TENM3: variants seen among roughly 807,000 people sequenced by gnomAD.
The protein encoded by TENM3 is teneurin transmembrane protein 3.
Under a neutral mutation model 255.1 loss-of-function variants are expected in TENM3, and 63 were observed. The observed-to-expected ratio is 0.25, with a 90% CI of 0.20 to 0.30. The LOEUF (loss-of-function observed/expected upper bound fraction) is 0.30. TENM3 is among the 10% of genes least tolerant of loss of function. The pLI is 1.00. For synonymous variants in TENM3, 1,306 were observed against 1,322.3 expected (o/e 0.99, Z 0.27); for missense variants, 2,929 against 3,461.1 (o/e 0.85, Z 3.86).
chr4:182,107,146 G>T, the TENM3 span, among the ~76,000 whole-genome samples: 1 of 111,026 alleles, frequency 9.0e-6, no homozygotes, highest in Non-Finnish European at 1.9e-5. Flanking sequence ...TGGTGAAACA[G>T]AACATACACA....
At chr4:182,203,172 G>A (rs1185256293) in intron 1 of TENM3, among the ~76,000 whole-genome samples, 2 of 151,760 alleles carry the variant, frequency 1.3e-5, no homozygotes, top group East Asian at 2.0e-4. Context: ...AGCCGAGATC[G>A]TGCCATTGCA....
At chr4:181,943,795 C>G in the TENM3 span, among the ~76,000 whole-genome samples, 96 of 152,276 alleles carry the variant, frequency 6.3e-4, no homozygotes, top group East Asian at 3.7e-3. Context: ...TCAGCTGACA[C>G]AGCAATCACC....
intron 3 of TENM3, among the ~76,000 whole-genome samples, chr4:182,527,879 T>C (rs1362505609): frequency 6.6e-6 from 1 of 151,820 alleles, no homozygotes; most frequent in Non-Finnish European, 1.5e-5. Context: ...AGGCACATGC[T>C]GCCACGCCCG....
chr4:182,718,775 A>G (rs1419560563), intron 13 of TENM3, among the ~76,000 whole-genome samples: 4 of 152,126 alleles, frequency 2.6e-5, no homozygotes, highest in Admixed American at 6.6e-5. Context: ...TTCTCCCCAT[A>G]TACTTTTAAA....
chr4:182,462,757 G>T (rs894680005), intron 3 of TENM3, among the ~76,000 whole-genome samples: 3 of 151,690 alleles, frequency 2.0e-5, no homozygotes, highest in African/African-American at 7.3e-5. Flanking sequence ...TGTGGTGGTG[G>T]GCGCCTGTGA....
chr4:181,897,836 T>C, the TENM3 span, among the ~76,000 whole-genome samples: 19 of 152,218 alleles, frequency 1.2e-4, no homozygotes, highest in Non-Finnish European at 2.6e-4. Flanking sequence ...ATAAATTTAT[T>C]CATTCTTTCT....
At chr4:182,131,469 A>G in the TENM3 span, among the ~76,000 whole-genome samples, 1 of 152,268 alleles carries the variant, frequency 6.6e-6, no homozygotes, top group African/African-American at 2.4e-5. Flanking sequence ...GATTTATTTT[A>G]TGTTCATTTT....
the TENM3 span, among the ~76,000 whole-genome samples, chr4:181,780,035 A>G: frequency 2.4e-4 from 36 of 152,288 alleles, 1 homozygote; most frequent in African/African-American, 7.5e-4. Context: ...CCAGTCTATC[A>G]TTGATGGACA....
chr4:182,669,069 GATGA>G (rs1178933809), intron 6 of TENM3, among the ~76,000 whole-genome samples: 1 of 152,068 alleles, frequency 6.6e-6, no homozygotes. Context: ...GTATGAACTT[GATGA>G]ATGAGTCTAC....
intron 3 of TENM3, among the ~76,000 whole-genome samples, chr4:182,355,964 G>C (rs891706806): frequency 2.0e-5 from 3 of 150,848 alleles, no homozygotes; most frequent in Admixed American, 1.3e-4. Context: ...TATTTACTCT[G>C]TGATCTATAT....
At chr4:182,336,697 A>G (rs1259271986) in intron 2 of TENM3, among the ~76,000 whole-genome samples, 1 of 152,226 alleles carries the variant, frequency 6.6e-6, no homozygotes, top group Non-Finnish European at 1.5e-5. Flanking sequence ...TATGGTGTTT[A>G]AGGGAGGAGC....
chr4:182,272,950 G>A (rs1759744777), intron 1 of TENM3, among the ~76,000 whole-genome samples: 1 of 152,130 alleles, frequency 6.6e-6, no homozygotes. Context: ...ATCTGGAAGG[G>A]TTTTAAACTG....
At chr4:181,529,993 A>G in the TENM3 span, among the ~76,000 whole-genome samples, 1 of 152,206 alleles carries the variant, frequency 6.6e-6, no homozygotes. Context: ...CACATACAGG[A>G]GCGTTTGGAA....
At chr4:181,450,921 G>A in the TENM3 span, among the ~76,000 whole-genome samples, 1 of 152,190 alleles carries the variant, frequency 6.6e-6, no homozygotes, top group Non-Finnish European at 1.5e-5. Flanking sequence ...AGTTAATGAA[G>A]TTTAATGTAA....
At chr4:182,693,639 C>T (rs759068732) in intron 12 of TENM3, among the ~76,000 whole-genome samples, 13 of 152,030 alleles carry the variant, frequency 8.6e-5, no homozygotes, top group Non-Finnish European at 1.3e-4. Context: ...TGGGTTTTTT[C>T]GCAATGTAAA....
At chr4:181,456,149 G>GTGTGTGTGTACACA in the TENM3 span, among the ~76,000 whole-genome samples, 1 of 68,376 alleles carries the variant, frequency 1.5e-5, no homozygotes, top group Non-Finnish European at 3.1e-5. Context: ...GTGTGTGTAG[G>GTGTGTGTGTACACA]TGTGTGTGTA....
chr4:182,650,347 G>T (rs1053138810), intron 5 of TENM3, among the ~76,000 whole-genome samples: 1 of 150,298 alleles, frequency 6.7e-6, no homozygotes, highest in East Asian at 2.0e-4. Flanking sequence ...ACTGGGACAT[G>T]CCTAAACCAA....
At chr4:182,379,053 C>T (rs192190182) in intron 3 of TENM3, among the ~76,000 whole-genome samples, 38 of 152,232 alleles carry the variant, frequency 2.5e-4, no homozygotes, top group Non-Finnish European at 3.1e-4. Flanking sequence ...CATAAAAACT[C>T]GAGGAGATGG....
intron 5 of TENM3, among the ~76,000 whole-genome samples, chr4:182,634,865 G>A (rs1284216088): frequency 3.3e-5 from 5 of 152,058 alleles, no homozygotes; most frequent in Non-Finnish European, 5.9e-5. Flanking sequence ...CTTTTTTCTG[G>A]GTAGAAGATA....
Sources: gnomAD v4.1 joint callset for allele counts (sites outside exome capture counted in the v4.1 genomes callset) on GRCh38, gnomAD v4.1.1 for gene constraint, MANE v1.5 for transcripts, NCBI Gene and HGNC (gene_info 2026-07-23, HGNC 2026-07-21) for gene names.